The following GARIN5A variants were observed in gnomAD, a reference collection of about 807,000 sequenced individuals.
GARIN5A encodes golgi associated RAB2 interactor 5A.
the GARIN5A span, among the ~76,000 whole-genome samples, chr19:50,469,904 C>T: frequency 6.6e-6 from 1 of 152,146 alleles, no homozygotes; most frequent in South Asian, 2.1e-4. Flanking sequence ...TTTTTGTCCC[C>T]CAAATAGAAG....
At chr19:50,467,043 AG>A in the GARIN5A span, 2 of 152,690 alleles carry the variant, frequency 1.3e-5, no homozygotes, top group African/African-American at 4.8e-5. Flanking sequence ...CTGGAATGGC[AG>A]GGGAAGCCAG....
At chr19:50,467,903 C>T in the GARIN5A span, 1 of 1,289,458 alleles carries the variant, frequency 7.8e-7, no homozygotes, top group Non-Finnish European at 1.1e-6. Flanking sequence ...TCAGGGGTCC[C>T]CACCTTGCCA....
the GARIN5A span, among the ~76,000 whole-genome samples, chr19:50,468,194 C>T: frequency 6.6e-6 from 1 of 152,032 alleles, no homozygotes; most frequent in Non-Finnish European, 1.5e-5. Flanking sequence ...AACCCCATCT[C>T]TACTAAAAAT....
chr19:50,475,931 A>T, the GARIN5A span: 1 of 1,613,112 alleles, frequency 6.2e-7, no homozygotes, highest in Non-Finnish European at 8.5e-7. Context: ...CCCGTGGGAG[A>T]GGCTGCAACC....
the GARIN5A span, among the ~76,000 whole-genome samples, chr19:50,472,102 A>ATGCATG: frequency 1.3e-4 from 19 of 143,020 alleles, no homozygotes; most frequent in Admixed American, 9.0e-4. Context: ...GTATATGTAT[A>ATGCATG]TATACGTGTG....
chr19:50,476,138 C>T, the GARIN5A span: 1 of 1,613,478 alleles, frequency 6.2e-7, no homozygotes, highest in Non-Finnish European at 8.5e-7. Context: ...ACCTGCCATC[C>T]CACCTGGTTC....
the GARIN5A span, chr19:50,476,431 C>T: frequency 6.5e-7 from 1 of 1,548,864 alleles, no homozygotes; most frequent in South Asian, 1.2e-5. Context: ...TGCCAGTGCG[C>T]AGGTGCCGGG....
the GARIN5A span, among the ~76,000 whole-genome samples, chr19:50,470,066 G>A: frequency 6.6e-6 from 1 of 152,230 alleles, no homozygotes; most frequent in African/African-American, 2.4e-5. Flanking sequence ...GGTTGAGCTT[G>A]GCCAAAGCCA....
At chr19:50,472,038 G>GTATA in the GARIN5A span, among the ~76,000 whole-genome samples, 899 of 145,776 alleles carry the variant, frequency 6.2e-3, 19 homozygotes, top group African/African-American at 0.014. Context: ...ATGTACGTGT[G>GTATA]TGTATATGTA....
the GARIN5A span, among the ~76,000 whole-genome samples, chr19:50,469,428 T>C: frequency 6.6e-6 from 1 of 152,142 alleles, no homozygotes. Flanking sequence ...ATCTAACAAA[T>C]GGCCACCTGT....
chr19:50,467,472 C>T, the GARIN5A span: 12 of 891,270 alleles, frequency 1.3e-5, no homozygotes, highest in Non-Finnish European at 1.9e-5. Flanking sequence ...AGGACCCAAG[C>T]TCTCTCCTCT....
chr19:50,469,822 C>T, the GARIN5A span, among the ~76,000 whole-genome samples: 16 of 152,150 alleles, frequency 1.1e-4, no homozygotes, highest in Non-Finnish European at 2.1e-4. Flanking sequence ...CACATATGCG[C>T]GGATGTCCCC....
the GARIN5A span, among the ~76,000 whole-genome samples, chr19:50,472,110 G>A: frequency 8.0e-5 from 11 of 138,208 alleles, 1 homozygote; most frequent in African/African-American, 3.4e-4. Flanking sequence ...ATATATACGT[G>A]TGTATATGTA....
At chr19:50,473,655 C>T in the GARIN5A span, among the ~76,000 whole-genome samples, 79 of 152,116 alleles carry the variant, frequency 5.2e-4, no homozygotes, top group African/African-American at 1.6e-3. Context: ...TCACCATACC[C>T]GGCATCTCTC....
the GARIN5A span, among the ~76,000 whole-genome samples, chr19:50,469,114 G>A: frequency 1.1e-4 from 17 of 152,006 alleles, no homozygotes; most frequent in Admixed American, 7.9e-4. Flanking sequence ...AGCCCTCACC[G>A]TGGCCCACAG....
chr19:50,474,310 G>A, the GARIN5A span, among the ~76,000 whole-genome samples: 1 of 150,586 alleles, frequency 6.6e-6, no homozygotes, highest in African/African-American at 2.4e-5. Context: ...CTCCCGAGTA[G>A]CTGGGATTAC....
the GARIN5A span, among the ~76,000 whole-genome samples, chr19:50,474,077 C>G: frequency 5.9e-3 from 894 of 152,214 alleles, 10 homozygotes; most frequent in African/African-American, 0.021. Flanking sequence ...GGGGCAGGAG[C>G]CTTGGGTGAG....
At chr19:50,474,185 T>C in the GARIN5A span, among the ~76,000 whole-genome samples, 3 of 151,132 alleles carry the variant, frequency 2.0e-5, no homozygotes, top group Non-Finnish European at 4.4e-5. Flanking sequence ...ATTCTCTCTT[T>C]TTTTTTTTGA....
At chr19:50,476,556 C>G in the GARIN5A span, 1 of 1,574,388 alleles carries the variant, frequency 6.4e-7, no homozygotes, top group Non-Finnish European at 8.6e-7. Context: ...TGGCGGCAGC[C>G]AGCGCTGGGG....
Sources: allele counts gnomAD v4.1 joint callset (sites outside exome capture counted in the v4.1 genomes callset), GRCh38; gene constraint gnomAD v4.1.1; transcripts MANE v1.5; gene names NCBI Gene and HGNC (gene_info 2026-07-23, HGNC 2026-07-21).